Variants in KCNMB4 observed in about 807,000 individuals in gnomAD.
KCNMB4 encodes the protein calcium-activated potassium channel subunit beta-4.
In KCNMB4, 3 loss-of-function variants were observed where a neutral mutation model predicts 20.7. That is an observed-to-expected ratio of 0.14 (90% CI 0.07 to 0.37). The LOEUF is 0.37. Ranked by LOEUF, KCNMB4 falls within the 10% of genes least tolerant of loss-of-function variation. The probability of loss-of-function intolerance (pLI) is 1.00; values close to 1 mark genes in which losing one functional copy is unlikely to be tolerated. For missense variants in KCNMB4, 168 were observed against 265.9 expected, an observed-to-expected ratio of 0.63 and a Z score of 2.56; for synonymous variants, 110 against 113.4, an observed-to-expected ratio of 0.97 and a Z score of 0.19.
chr12:70,420,833 C>T (rs1869031309), intron 2 of KCNMB4, among the ~76,000 whole-genome samples: 2 of 151,940 alleles, frequency 1.3e-5, no homozygotes, highest in East Asian at 1.9e-4. Context: ...CCGAGGCGGG[C>T]GGATCATGAG....
At chr12:70,423,524 G>A (rs1023819334) in intron 2 of KCNMB4, among the ~76,000 whole-genome samples, 4 of 151,718 alleles carry the variant, frequency 2.6e-5, no homozygotes, top group East Asian at 1.9e-4. Flanking sequence ...CTGGAATGCC[G>A]TGGTGCAATC....
At chr12:70,402,485 A>T (rs1276506728) in intron 2 of KCNMB4, among the ~76,000 whole-genome samples, 2 of 151,784 alleles carry the variant, frequency 1.3e-5, no homozygotes, top group Admixed American at 6.6e-5. Flanking sequence ...TCTACAAAAA[A>T]TTTTAAAAAT....
chr12:70,394,784 A>C (rs1329314159), intron 1 of KCNMB4, among the ~76,000 whole-genome samples: 4 of 152,092 alleles, frequency 2.6e-5, no homozygotes, highest in Non-Finnish European at 5.9e-5. Context: ...CTCCCACTTC[A>C]GCTTTCTGAG....
intron 1 of KCNMB4, among the ~76,000 whole-genome samples, chr12:70,398,521 G>C (rs1338319305): frequency 6.6e-6 from 1 of 152,050 alleles, no homozygotes; most frequent in Non-Finnish European, 1.5e-5. Flanking sequence ...AACTATATGT[G>C]CAGAAGATAA....
chr12:70,423,642 G>T (rs787932), intron 2 of KCNMB4, among the ~76,000 whole-genome samples: 21,907 of 151,930 alleles, frequency 0.14, 2,464 homozygotes, highest in East Asian at 0.5. Flanking sequence ...CACGCCCATC[G>T]AATTTTTTTA....
At chr12:70,428,610 T>A (rs1435979269) in intron 2 of KCNMB4, among the ~76,000 whole-genome samples, 1 of 152,180 alleles carries the variant, frequency 6.6e-6, no homozygotes, top group Non-Finnish European at 1.5e-5. Flanking sequence ...TTTTTAGACC[T>A]CAGCCTTGAC....
chr12:70,419,568 AT>A (rs1480842884), intron 2 of KCNMB4, among the ~76,000 whole-genome samples: 3 of 152,208 alleles, frequency 2.0e-5, no homozygotes, highest in African/African-American at 7.2e-5. Flanking sequence ...TTAAAAAAAA[AT>A]ATTCAAAGGA....
chr12:70,431,677 A>T lies in KCNMB4; in HGVS notation c.*1024A>T, dbSNP rs1301895293. On this transcript the variant is annotated 3_prime_UTR_variant, in exon 3 of 3. Transcript: ENST00000258111. ...AACCCAGCTCACATCATTGCTACTG[A>T]TGAGCTTTCTGTGCCTTTATCAAAA... 6.6e-6 allele frequency: 1 copy of T among 152,176 alleles called. No individual in the cohort carries two copies. Among genetic ancestry groups the T allele is most frequent in the Non-Finnish European group, 1.5e-5 (1 of 68,034 alleles). The allele number at this position is 152,176 out of a possible 1,614,324, so 9.4% of individuals were successfully genotyped here.
At chr12:70,414,253 A>T (rs1273675733) in intron 2 of KCNMB4, among the ~76,000 whole-genome samples, 1 of 152,160 alleles carries the variant, frequency 6.6e-6, no homozygotes, top group Non-Finnish European at 1.5e-5. Flanking sequence ...TTTTGGAAAT[A>T]AATTATGTGA....
At chr12:70,372,989 C>T (rs1478068816) in intron 1 of KCNMB4, among the ~76,000 whole-genome samples, 4 of 151,980 alleles carry the variant, frequency 2.6e-5, no homozygotes, top group African/African-American at 7.3e-5. Flanking sequence ...AAGCTATGAG[C>T]TGTGTGAGTG....
rs753035510 is a variant in KCNMB4, at chr12:70,414,383, T to C, written c.464+14047T>C. 8.9e-4 allele frequency among the ~76,000 whole-genome samples: 136 copies of C among 152,330 alleles called. 1 individual carries two copies. The highest frequency in any genetic ancestry group is 1.2e-3 in the Non-Finnish European group (85 of 68,028). ...AATCTCAGTGTGGAGGTAGACCATA[T>C]TGTCCAAGTTTTACAGAAGAGACAA... is the stretch of plus-strand genomic sequence containing the variant. On this transcript the variant is annotated intron_variant, in intron 2 of 2. Coordinates refer to ENST00000258111, the MANE Select transcript of KCNMB4 (RefSeq NM_014505.6).
rs1472407312 is a variant in KCNMB4 at position 70,430,348 on chromosome 12, A to G, written c.465-137A>G. 2.6e-5 allele frequency: 22 copies of G among 854,352 alleles called. No homozygotes were observed. The Middle Eastern group carries it at 6.9e-4, about 27-fold the overall frequency. The allele number at this position is 854,352 out of a possible 1,614,324, so 52.9% of individuals were successfully genotyped here. A position where few individuals can be genotyped will look rare whatever the true frequency, so the allele number is the denominator to read the frequency against. ...TGTAATGGGTTTGAAGCACAAAAAT[A>G]CAGTGTTTATAGTCAGAGTGCAGCC... On this transcript the variant is annotated intron_variant, in intron 2 of 2. Transcript: ENST00000258111.
chr12:70,409,621 G>A (rs1565863727), intron 2 of KCNMB4, among the ~76,000 whole-genome samples: 1 of 152,200 alleles, frequency 6.6e-6, no homozygotes, highest in Non-Finnish European at 1.5e-5. Context: ...AAGTAGGGTA[G>A]TGCTATGAAG....
intron 1 of KCNMB4, among the ~76,000 whole-genome samples, chr12:70,377,673 C>T (rs1173584407): frequency 6.6e-6 from 1 of 152,172 alleles, no homozygotes; most frequent in Non-Finnish European, 1.5e-5. Context: ...TAGCATTTTA[C>T]TTACAGTAGA....
intron 1 of KCNMB4, among the ~76,000 whole-genome samples, chr12:70,393,227 G>A (rs1868315622): frequency 6.6e-6 from 1 of 152,008 alleles, no homozygotes; most frequent in South Asian, 2.1e-4. Context: ...TTTTGAGAAA[G>A]AGTCTCACTC....
intron 1 of KCNMB4, among the ~76,000 whole-genome samples, chr12:70,375,760 C>T (rs971128663): frequency 5.9e-5 from 9 of 152,082 alleles, no homozygotes; most frequent in African/African-American, 2.2e-4. Flanking sequence ...GGGTCCTATA[C>T]GTATTAGCTC....
chr12:70,422,920 C>A, intron 2 of KCNMB4: 1 of 911,152 alleles, frequency 1.1e-6, no homozygotes, highest in Non-Finnish European at 1.4e-6. Flanking sequence ...CAGGCCTCTA[C>A]TTTAGGAGAC....
chr12:70,388,590 G>T (rs1174608106), intron 1 of KCNMB4, among the ~76,000 whole-genome samples: 10 of 152,046 alleles, frequency 6.6e-5, no homozygotes, highest in Non-Finnish European at 4.4e-5. Flanking sequence ...TTGTAGTTTT[G>T]ATTTGCATTT....
intron 1 of KCNMB4, among the ~76,000 whole-genome samples, chr12:70,388,535 T>G (rs1868275426): frequency 6.6e-6 from 1 of 152,198 alleles, no homozygotes; most frequent in Non-Finnish European, 1.5e-5. Flanking sequence ...TTATTGTCTG[T>G]CTTTTGAATA....
Sources: gnomAD v4.1 joint callset for allele counts (sites outside exome capture counted in the v4.1 genomes callset) on GRCh38, gnomAD v4.1.1 for gene constraint, MANE v1.5 for transcripts, NCBI Gene and HGNC (gene_info 2026-07-23, HGNC 2026-07-21) for gene names.